MYBL1: variants seen among roughly 807,000 people sequenced by gnomAD.
The protein encoded by MYBL1 is MYB proto-oncogene like 1, also known as myb-related protein A.
In MYBL1, 17 loss-of-function variants were observed where a neutral mutation model predicts 96.3. That is an observed-to-expected ratio of 0.18 (90% CI 0.12 to 0.26). The LOEUF is 0.26. MYBL1 is among the 10% of genes least tolerant of loss of function. The pLI, the probability that MYBL1 is intolerant of heterozygous loss-of-function variation, is 1.00. For synonymous variants in MYBL1, 282 were observed against 292.7 expected (o/e 0.96, Z 0.37); for missense variants, 701 against 882.9 (o/e 0.79, Z 2.61).
In MYBL1 at chr8:66,576,207, C is replaced by T. The variant is rs770806183; in HGVS notation, c.1270G>A (p.Gly424Ser). Residue 424 changes from glycine (G) to serine (S), a missense_variant, in exon 10 of 16, where the codon GGT (glycine) becomes AGT (serine). Around this residue, in one of 5 missense-constraint regions of MYBL1, gnomAD observed 396 missense variants for 407.4 expected, o/e 0.97. Transcript: ENST00000522677. ...AAAGGAACAGCTTCACTGTTGCCACCATTACAAGTGTTTTTTTTCCCTTCA... is the reference window on the plus strand; with the variant it reads ...AAAGGAACAGCTTCACTGTTGCCACTATTACAAGTGTTTTTTTTCCCTTCA... ...VLEGKKNTCNGGNSEAVPLTS... is the reference protein window; with the variant it reads ...VLEGKKNTCNSGNSEAVPLTS... 5.0e-6 allele frequency: 8 copies of T among 1,613,930 alleles called. No homozygotes were observed. In the Admixed American group the frequency reaches 8.3e-5, roughly 17 times the overall value.
rs1808392677 is a variant in MYBL1, at chr8:66,563,436, A to G, written c.*1261T>C. On this transcript the variant is annotated 3_prime_UTR_variant, in exon 16 of 16. Transcript: ENST00000522677. ...AATAAAAATTCTTTCAAGAAGAAAT[A>G]AAATAAGTGCAAACACCTAAAACAG... 1 of 152,658 alleles carries G rather than the reference A, an allele frequency of 6.6e-6. No individual in the cohort carries two copies. Among genetic ancestry groups the G allele is most frequent in the African/African-American group, 2.4e-5 (1 of 41,470 alleles). The allele number at this position is 152,658 out of a possible 1,614,324, so 9.5% of individuals were successfully genotyped here.
chr8:66,604,339 A>G (rs952052748), intron 1 of MYBL1, among the ~76,000 whole-genome samples: 3 of 152,104 alleles, frequency 2.0e-5, no homozygotes, highest in African/African-American at 7.2e-5. Flanking sequence ...CCTGACCAAC[A>G]TGGCAAAACC....
chr8:66,586,094 A>G (rs1464389557), intron 8 of MYBL1, among the ~76,000 whole-genome samples: 1 of 132,888 alleles, frequency 7.5e-6, no homozygotes, highest in Non-Finnish European at 1.5e-5. Flanking sequence ...TGCCCAGGCT[A>G]CACTGCAATG....
chr8:66,565,354 G>A (rs908550867), intron 15 of MYBL1: 7 of 151,872 alleles, frequency 4.6e-5, no homozygotes, highest in African/African-American at 1.2e-4. Context: ...TTAATTAAAC[G>A]CCAGGAACTC....
intron 3 of MYBL1, among the ~76,000 whole-genome samples, chr8:66,599,977 C>T (rs541976899): frequency 1.3e-5 from 2 of 152,220 alleles, no homozygotes; most frequent in East Asian, 3.9e-4. Context: ...ACATAGTCTA[C>T]ATAGAAGATG....
chr8:66,588,975 A>T (rs1809528088), intron 8 of MYBL1, among the ~76,000 whole-genome samples: 1 of 152,206 alleles, frequency 6.6e-6, no homozygotes, highest in Non-Finnish European at 1.5e-5. Flanking sequence ...AGCCGAGATC[A>T]CGCTACTGCA....
At chr8:66,589,815 T>C (rs1464424813) in intron 8 of MYBL1, among the ~76,000 whole-genome samples, 2 of 152,180 alleles carry the variant, frequency 1.3e-5, no homozygotes, top group Non-Finnish European at 2.9e-5. Context: ...ACAAATTAAC[T>C]TTAAGGTAAG....
intron 8 of MYBL1, among the ~76,000 whole-genome samples, chr8:66,581,579 G>C (rs1315872384): frequency 6.6e-6 from 1 of 152,138 alleles, no homozygotes; most frequent in Non-Finnish European, 1.5e-5. Flanking sequence ...GAGAGGCTGA[G>C]GTGAGGGCAT....
chr8:66,612,774 G>T, intron 1 of MYBL1, 45 bp downstream of exon 1: 1 of 1,348,472 alleles, frequency 7.4e-7, no homozygotes. Context: ...GAGAATCTGA[G>T]CCGAGACGGC....
chr8:66,591,130 C>T (rs961495669), intron 8 of MYBL1, among the ~76,000 whole-genome samples: 7 of 152,184 alleles, frequency 4.6e-5, no homozygotes, highest in African/African-American at 1.7e-4. Flanking sequence ...AGGAGGATCA[C>T]GAGGTCAGGA....
chr8:66,593,415 CT>C (rs1192712358), intron 6 of MYBL1, among the ~76,000 whole-genome samples: 4 of 152,088 alleles, frequency 2.6e-5, no homozygotes, highest in African/African-American at 4.8e-5. Flanking sequence ...TTAGAAAAGA[CT>C]TTTTTTCAGA....
chr8:66,604,510 AT>A (rs1810231878), intron 1 of MYBL1, among the ~76,000 whole-genome samples: 1 of 151,928 alleles, frequency 6.6e-6, no homozygotes, highest in South Asian at 2.1e-4. Flanking sequence ...CCATTTCAAA[AT>A]TAAAAAAAAA....
At chr8:66,607,115 C>T (rs1255627654) in intron 1 of MYBL1, among the ~76,000 whole-genome samples, 1 of 149,828 alleles carries the variant, frequency 6.7e-6, no homozygotes, top group Non-Finnish European at 1.5e-5. Flanking sequence ...TTTTATTAAA[C>T]TGTGTTAAAA....
chr8:66,580,327 T>C lies in MYBL1; in HGVS notation c.907A>G (p.Met303Val), dbSNP rs756354015. The change falls in exon 9 of 16, where the codon ATG (methionine) becomes GTG (valine). Residue 303 changes from methionine (M) to valine (V), a missense_variant. Physicochemically the swap from Met to Val is conservative, Grantham distance 21 (BLOSUM62 1). Around this residue, in one of 5 missense-constraint regions of MYBL1, gnomAD observed 396 missense variants for 407.4 expected, o/e 0.97. Coordinates refer to ENST00000522677, the MANE Select transcript of MYBL1 (RefSeq NM_001080416.4). ...AGAGTATTAGACATGTTATCATCCATGAGGAAACTACCAGACCAGCTAGAA... is the reference window on the plus strand; with the variant it reads ...AGAGTATTAGACATGTTATCATCCACGAGGAAACTACCAGACCAGCTAGAA... ...SFSSWSGSFL[M>V]DDNMSNTLNS... The C allele has an allele frequency of 3.7e-6, 6 of 1,612,622 alleles. No individual in the cohort carries two copies. The highest frequency in any genetic ancestry group is 2.2e-5 in the East Asian group (1 of 44,856).
rs185168286 is a variant in MYBL1, at chr8:66,574,826, G to A, written c.1470+1181C>T. On this transcript the variant is annotated intron_variant, in intron 10 of 15. Transcript: ENST00000522677. ...TCCCAGCACTTTGGGAGGCCGAGGCGGGCAGATCACCTAAGGTTGGGAGTT... is the reference window on the plus strand; with the variant it reads ...TCCCAGCACTTTGGGAGGCCGAGGCAGGCAGATCACCTAAGGTTGGGAGTT... Among the ~76,000 whole-genome samples the A allele has an allele frequency of 1.9e-3, 283 of 152,282 alleles. 1 individual carries two copies. Among genetic ancestry groups the A allele is most frequent in the African/African-American group, 6.4e-3 (264 of 41,560 alleles).
At chr8:66,580,937 T>G (rs1462708350) in intron 8 of MYBL1, among the ~76,000 whole-genome samples, 1 of 151,506 alleles carries the variant, frequency 6.6e-6, no homozygotes, top group East Asian at 1.9e-4. Context: ...CTCGGCTCAC[T>G]GCAACTTCCA....
chr8:66,588,439 C>T (rs905201255), intron 8 of MYBL1, among the ~76,000 whole-genome samples: 2 of 152,020 alleles, frequency 1.3e-5, no homozygotes, highest in African/African-American at 2.4e-5. Context: ...ACCATCACAC[C>T]TGATTAGTTT....
intron 1 of MYBL1, among the ~76,000 whole-genome samples, chr8:66,604,299 G>C (rs774713793): frequency 7.9e-5 from 12 of 152,146 alleles, no homozygotes; most frequent in Non-Finnish European, 5.9e-5. Context: ...GAGTCGAGCA[G>C]ATCATTTGAG....
intron 5 of MYBL1, among the ~76,000 whole-genome samples, 198 bp from the exon 6 acceptor site, chr8:66,595,955 T>C (rs1022186651): frequency 6.6e-6 from 1 of 152,144 alleles, no homozygotes. Context: ...TATGTGCATA[T>C]GTCAGGCATA....
Sources: gnomAD v4.1 joint callset for allele counts (sites outside exome capture counted in the v4.1 genomes callset) on GRCh38, gnomAD v4.1.1 for gene constraint, gnomAD v4.1.1 regional missense constraint, MANE v1.5 for transcripts, NCBI Gene and HGNC (gene_info 2026-07-23, HGNC 2026-07-21) for gene names.